Variants in DNAH17 observed in about 807,000 individuals in gnomAD.
DNAH17 encodes the protein dynein axonemal heavy chain 17.
In DNAH17, 376 loss-of-function variants were observed where a neutral mutation model predicts 485.6. The observed-to-expected ratio is 0.77, with a 90% confidence interval of 0.71 to 0.84. The LOEUF is 0.84. Among genes scored for constraint, DNAH17 ranks in the 40% least tolerant of loss-of-function variants. DNAH17 has a pLI of 0.00. For synonymous variants in DNAH17, 3,031 were observed against 2,405.9 expected (o/e 1.26, Z -7.60); for missense variants, 6,370 against 5,839.3 (o/e 1.09, Z -2.96).
At chr17:78,516,517 T>C (rs1032265427) in intron 25 of DNAH17, among the ~76,000 whole-genome samples, 2 of 151,960 alleles carry the variant, frequency 1.3e-5, no homozygotes, top group African/African-American at 4.8e-5. Context: ...TGAAACCCCA[T>C]CTCTACTAAA....
At position 78,441,208 on chromosome 17, in the gene DNAH17, G is replaced by A; in HGVS notation, c.11529-9C>T. 5 of 1,613,664 alleles carry A rather than the reference G, an allele frequency of 3.1e-6. No homozygotes were observed. The highest frequency in any genetic ancestry group is 4.2e-6 in the Non-Finnish European group (5 of 1,179,828). On this transcript the variant is annotated splice_polypyrimidine_tract_variant and intron_variant, in intron 71 of 80. Coordinates refer to ENST00000389840, the MANE Select transcript of DNAH17 (RefSeq NM_173628.4). ...TTTCCTCCACGAAGTTCCTAGGGGT[G>A]GAGTGCATCAGAGGCAGCGGAACCT...
Position 78,425,501 on chromosome 17 carries a change from T to G in DNAH17, c.12986A>C (p.Gln4329Pro), listed in dbSNP as rs751528175. ...CTGCATGATGGCCGTGAGGAACGAC[T>G]GGGGGTTGAAGAAGCCGGCCAGCCA... is the stretch of plus-strand genomic sequence containing the variant. ...TVWLAGFFNP[Q>P]SFLTAIMQSM... The change falls in exon 80 of 81, where the codon CAG becomes CCG. Residue 4329 changes from glutamine (Q) to proline (P), a missense_variant. By Grantham distance (76) the Gln-to-Pro change is moderately conservative (BLOSUM62 -1). Transcript: ENST00000389840. 6.8e-5 allele frequency: 109 copies of G among 1,613,646 alleles called. No homozygotes were observed. Among genetic ancestry groups the G allele is most frequent in the Middle Eastern group, 4.9e-4 (3 of 6,078 alleles).
intron 28 of DNAH17, 32 bp downstream of exon 28, chr17:78,507,426 G>T (rs752844488): frequency 1.2e-6 from 2 of 1,613,584 alleles, no homozygotes; most frequent in Middle Eastern, 1.6e-4. Context: ...AGTCATTTCT[G>T]AAGTGCGTGG....
chr17:78,549,977 CAG>C (rs1035135580), intron 16 of DNAH17, among the ~76,000 whole-genome samples: 14 of 152,250 alleles, frequency 9.2e-5, no homozygotes, highest in South Asian at 8.3e-4. Flanking sequence ...TTGCAGGTAA[CAG>C]AAAGGACAGA....
intron 66 of DNAH17, among the ~76,000 whole-genome samples, chr17:78,451,153 C>T (rs542365157): frequency 8.4e-4 from 128 of 152,388 alleles, no homozygotes; most frequent in Non-Finnish European, 1.5e-3. Context: ...CAAGGGCTGG[C>T]AGCCAGGCCA....
At position 78,572,857 on chromosome 17, in the gene DNAH17, G is replaced by C. The variant is rs2092379688; in HGVS notation, c.383C>G (p.Ala128Gly). The C allele has an allele frequency of 1.2e-6, 2 of 1,613,904 alleles. No individual in the cohort carries two copies. Among genetic ancestry groups the C allele is most frequent in the Non-Finnish European group, 1.7e-6 (2 of 1,179,850 alleles). The change falls in exon 3 of 81, where the codon GCT (alanine) becomes GGT (glycine). Residue 128 changes from alanine (A) to glycine (G), a missense_variant. Ala to Gly is a moderately conservative substitution (Grantham distance 60). Coordinates refer to ENST00000389840, the MANE Select transcript of DNAH17 (RefSeq NM_173628.4). ...SSLLNQSENMAGWPQVVSEDI... is the reference protein window; with the variant it reads ...SSLLNQSENMGGWPQVVSEDI... ...TTCCGAGACCACCTGGGGCCATCCA[G>C]CCATGTTCTCACTTTGGTTTAACAG...
intron 55 of DNAH17, 75 bp downstream of exon 55, chr17:78,468,542 A>C (rs575169734): frequency 3.3e-6 from 5 of 1,509,800 alleles, no homozygotes; most frequent in African/African-American, 1.4e-5. Context: ...CTCTATGCAG[A>C]GCAAAAACCC....
At chr17:78,508,212 C>T (rs1255852406) in intron 27 of DNAH17, among the ~76,000 whole-genome samples, 1 of 151,740 alleles carries the variant, frequency 6.6e-6, no homozygotes, top group Admixed American at 6.6e-5. Context: ...AGATGCAGGA[C>T]TCTCTCTCTG....
rs753221866 is a variant in DNAH17 at position 78,532,619 on chromosome 17, G to T, written c.2977C>A (p.Leu993Ile). The stretch of plus-strand genomic sequence containing the variant: ...AACTCCTGCAGGTTGTCCGTCCAGA[G>T]GTAGGAGTACCTCTCAAAGGAATCC... Reference protein sequence around the residue: ...YQDSFERYSYLWTDNLQEFMK... With the variant: ...YQDSFERYSYIWTDNLQEFMK... Residue 993 changes from leucine (L) to isoleucine (I), a missense_variant, in exon 20 of 81, where the codon CTC becomes ATC. Leu to Ile is a conservative substitution (Grantham distance 5). Transcript: ENST00000389840. 6.2e-7 allele frequency: 1 copy of T among 1,605,160 alleles called. No individual in the cohort carries two copies. The highest frequency in any genetic ancestry group is 1.1e-5 in the South Asian group (1 of 89,462).
chr17:78,438,061 G>A lies in DNAH17; in HGVS notation c.11806-193C>T, dbSNP rs188758675. On this transcript the variant is annotated intron_variant, in intron 73 of 80. Coordinates refer to ENST00000389840, the MANE Select transcript of DNAH17 (RefSeq NM_173628.4). ...GTGCTGGGCATGCCAGGATGTCTTC[G>A]GCGAAGCAACTGAGGCCCCAGAATC... 1.8e-3 allele frequency among the ~76,000 whole-genome samples: 271 copies of A among 152,206 alleles called. 1 individual carries two copies. The highest frequency in any genetic ancestry group is 0.017 in the East Asian group (87 of 5,140).
intron 26 of DNAH17, chr17:78,510,712 G>A (rs931047560): frequency 8.2e-6 from 5 of 613,118 alleles, no homozygotes; most frequent in South Asian, 2.0e-5. Context: ...CTGTAAAACC[G>A]CATAAGAGCA....
chr17:78,561,638 C>T lies in DNAH17; in HGVS notation c.1835+77G>A, dbSNP rs1298181366. The T allele has an allele frequency of 5.8e-5, 85 of 1,460,832 alleles. 1 individual carries two copies. In the East Asian group the frequency reaches 1.5e-3, roughly 25 times the overall value. The allele number at this position is 1,460,832 out of a possible 1,614,324, so 90.5% of individuals were successfully genotyped here. The stretch of plus-strand genomic sequence containing the variant: ...GGTCGACAGGAGGGGTGGTCCCGCT[C>T]GGGGTTGGGACAGTCCCTCTCGCTC... On this transcript the variant is annotated intron_variant, in intron 12 of 80. Transcript: ENST00000389840.
chr17:78,513,965 TGA>T (rs1344586796), intron 26 of DNAH17, among the ~76,000 whole-genome samples: 1 of 152,128 alleles, frequency 6.6e-6, no homozygotes, highest in Non-Finnish European at 1.5e-5. Flanking sequence ...CAGTGTTGGC[TGA>T]GAGAGGGGAG....
chr17:78,445,551 G>T lies in DNAH17; in HGVS notation c.11334+7C>A. On this transcript the variant is annotated splice_region_variant and intron_variant, in intron 70 of 80. Coordinates refer to ENST00000389840, the MANE Select transcript of DNAH17 (RefSeq NM_173628.4). ...AAGCACAACGTGTTCAACGTCTAAA[G>T]ACGAACCTTGATCCCGCCCCAGCCT... The T allele has an allele frequency of 6.4e-7, 1 of 1,560,632 alleles. No homozygotes were observed. Among genetic ancestry groups the T allele is most frequent in the African/African-American group, 1.4e-5 (1 of 73,696 alleles).
rs1356021890 is a variant in DNAH17, at chr17:78,539,735, AC to A, written c.2676+1del. The A allele has an allele frequency of 6.2e-7, 1 of 1,604,626 alleles. No individual in the cohort carries two copies. ...ATATATTACCTTATGTTGATAACTT[AC>A]ATCTATAACCATGTTGTCCATTAGG... On this transcript the variant is annotated splice_donor_variant, in intron 18 of 80. Transcript: ENST00000389840. LOFTEE classifies it high-confidence loss of function.
intron 29 of DNAH17, 139 bp from the exon 30 acceptor site, chr17:78,506,985 C>G: frequency 7.7e-7 from 1 of 1,301,864 alleles, no homozygotes. Flanking sequence ...AATTCAGAAT[C>G]TCCTACCGGA....
At chr17:78,576,581 C>G (rs538191147) in intron 1 of DNAH17, among the ~76,000 whole-genome samples, 1 of 152,256 alleles carries the variant, frequency 6.6e-6, no homozygotes, top group African/African-American at 2.4e-5. Context: ...CCAGGATCTC[C>G]GAGACCCGGG....
At chr17:78,558,434 G>T (rs1261475018) in intron 13 of DNAH17, among the ~76,000 whole-genome samples, 180 bp from the exon 14 acceptor site, 1 of 91,884 alleles carries the variant, frequency 1.1e-5, no homozygotes, top group Non-Finnish European at 2.3e-5. Flanking sequence ...GGCTGATCCT[G>T]AGCCGGAAAG....
rs35637364 is a variant in DNAH17 at position 78,552,512 on chromosome 17, C to CT, written c.2287+184dup. 0.27 allele frequency among the ~76,000 whole-genome samples: 35,854 copies of CT among 132,176 alleles called. 5,449 individuals carry two copies. The highest frequency in any genetic ancestry group is 0.33 in the Non-Finnish European group (20,811 of 62,218). The allele number at this position is 132,176 out of a possible 152,430, so 86.7% of individuals were successfully genotyped here. A position where few individuals can be genotyped will look rare whatever the true frequency, so the allele number is the denominator to read the frequency against. Reference sequence around the variant, plus strand: ...TCCGTTTCTAAGTGACACAGATGGGCTTTTTTTTTTTTTTTTTGCCTGGGC... The same window carrying CT: ...TCCGTTTCTAAGTGACACAGATGGGCTTTTTTTTTTTTTTTTTTGCCTGGGC... On this transcript the variant is annotated intron_variant, in intron 15 of 80. Coordinates refer to ENST00000389840, the MANE Select transcript of DNAH17 (RefSeq NM_173628.4).
Sources: gnomAD v4.1 joint callset for allele counts (sites outside exome capture counted in the v4.1 genomes callset) on GRCh38, gnomAD v4.1.1 for gene constraint, MANE v1.5 for transcripts, NCBI Gene and HGNC (gene_info 2026-07-23, HGNC 2026-07-21) for gene names.